DPP10: variants seen among roughly 807,000 people sequenced by gnomAD.
The protein encoded by DPP10 is dipeptidyl peptidase like 10, also known as inactive dipeptidyl peptidase 10.
DPP10 carries 33 observed loss-of-function variants against 120.9 expected under a neutral mutation model. That is an observed-to-expected ratio of 0.27 (90% confidence interval 0.21 to 0.37). DPP10 has a LOEUF of 0.37. Ranked by LOEUF, DPP10 falls within the 10% of genes least tolerant of loss-of-function variation. DPP10 has a pLI of 1.00. For synonymous variants in DPP10, 337 were observed against 326.1 expected (o/e 1.03, Z -0.36); for missense variants, 816 against 942.8 (o/e 0.87, Z 1.76).
chr2:115,285,075 C>A, intron 1 of DPP10, among the ~76,000 whole-genome samples: 1 of 151,992 alleles, frequency 6.6e-6, no homozygotes, highest in East Asian at 1.9e-4. Flanking sequence ...TTAGGCCCCA[C>A]AACACTCTGA....
intron 3 of DPP10, among the ~76,000 whole-genome samples, chr2:115,375,521 G>T (rs1451085226): frequency 6.6e-6 from 1 of 152,146 alleles, no homozygotes; most frequent in Non-Finnish European, 1.5e-5. Flanking sequence ...TCCAGCTTCT[G>T]CCTGTTTCCC....
intron 1 of DPP10, among the ~76,000 whole-genome samples, chr2:115,248,392 A>C (rs1213802224): frequency 6.6e-6 from 1 of 152,034 alleles, no homozygotes; most frequent in Admixed American, 6.6e-5. Context: ...TTTCTTTAGA[A>C]GATATTTCTT....
intron 1 of DPP10, among the ~76,000 whole-genome samples, chr2:115,072,762 T>G (rs1327543863): frequency 6.6e-6 from 1 of 152,136 alleles, no homozygotes; most frequent in Non-Finnish European, 1.5e-5. Context: ...TTGAATGAAA[T>G]GATGTATATT....
chr2:115,713,334 G>A (rs1016743014), intron 7 of DPP10, among the ~76,000 whole-genome samples: 1 of 152,038 alleles, frequency 6.6e-6, no homozygotes, highest in Non-Finnish European at 1.5e-5. Flanking sequence ...GTTATGGAGT[G>A]ACAGTTTGAG....
chr2:114,656,139 T>C (rs1344473832), intron 1 of DPP10, among the ~76,000 whole-genome samples: 1 of 152,194 alleles, frequency 6.6e-6, no homozygotes, highest in African/African-American at 2.4e-5. Context: ...TTAGCAATTA[T>C]TCTTGGTGTT....
At chr2:115,634,734 T>C (rs572320765) in intron 5 of DPP10, among the ~76,000 whole-genome samples, 1 of 152,302 alleles carries the variant, frequency 6.6e-6, no homozygotes, top group Non-Finnish European at 1.5e-5. Flanking sequence ...TGTTGGCTGC[T>C]CCTTGGTGGA....
chr2:114,847,191 C>G (rs1266533312), intron 1 of DPP10, among the ~76,000 whole-genome samples: 2 of 152,084 alleles, frequency 1.3e-5, no homozygotes, highest in East Asian at 3.9e-4. Context: ...TCAATTCTTG[C>G]TGAGCTTTGC....
In DPP10 at chr2:114,898,801, A is replaced by G. The variant is rs116754872; in HGVS notation, c.61-410438A>G. Among the ~76,000 whole-genome samples, 1,229 of 152,352 alleles carry G rather than the reference A, an allele frequency of 8.1e-3. 5 individuals carry two copies. Among genetic ancestry groups the G allele is most frequent in the Middle Eastern group, 0.02 (6 of 294 alleles). On this transcript the variant is annotated intron_variant, in intron 1 of 25. Coordinates refer to ENST00000410059, the MANE Select transcript of DPP10 (RefSeq NM_020868.6). ...CATTTTCTCCAGATACATGGTATCA[A>G]TATATTCAAGAAAAGAACAGGGTTT...
chr2:114,967,201 A>G (rs1313271561), intron 1 of DPP10, among the ~76,000 whole-genome samples: 1 of 152,198 alleles, frequency 6.6e-6, no homozygotes, highest in Admixed American at 6.5e-5. Flanking sequence ...TAATAAAAAA[A>G]ATCTTCCATT....
rs568267901 is a variant in DPP10 at position 114,743,362 on chromosome 2, T to C, written c.60+300524T>C. Among the ~76,000 whole-genome samples, 42 of 152,174 alleles carry C rather than the reference T, an allele frequency of 2.8e-4. No homozygotes were observed. In the South Asian group the frequency reaches 3.1e-3, roughly 11 times the overall value. ...TGAATGGAAAAGGACCACAGCAAAG[T>C]TGAATTTGCTTGAAGTTTCTTTTTT... On this transcript the variant is annotated intron_variant, in intron 1 of 25. Transcript: ENST00000410059.
intron 1 of DPP10, among the ~76,000 whole-genome samples, chr2:114,903,359 C>T (rs2106634748): frequency 1.3e-5 from 2 of 152,208 alleles, no homozygotes; most frequent in South Asian, 4.1e-4. Context: ...AAAAAATTAC[C>T]AAACTGTTTT....
At chr2:114,629,741 T>C (rs575245649) in intron 1 of DPP10, among the ~76,000 whole-genome samples, 1 of 152,298 alleles carries the variant, frequency 6.6e-6, no homozygotes, top group African/African-American at 2.4e-5. Flanking sequence ...TTAAAATGTG[T>C]ATACCGTTGA....
At chr2:115,310,320 G>A (rs1436392105) in intron 2 of DPP10, among the ~76,000 whole-genome samples, 1 of 152,048 alleles carries the variant, frequency 6.6e-6, no homozygotes, top group African/African-American at 2.4e-5. Flanking sequence ...ATTTCCTGAT[G>A]TACAAAATAT....
intron 1 of DPP10, among the ~76,000 whole-genome samples, chr2:114,555,234 A>G (rs974250817): frequency 6.6e-6 from 1 of 152,164 alleles, no homozygotes; most frequent in Non-Finnish European, 1.5e-5. Context: ...TCTCCTGGAC[A>G]TGTCAACTCT....
intron 1 of DPP10, among the ~76,000 whole-genome samples, chr2:115,199,610 C>A (rs2055545141): frequency 1.3e-5 from 2 of 151,974 alleles, no homozygotes; most frequent in Admixed American, 6.6e-5. Context: ...TACCTACTTA[C>A]CAAAAGAATT....
At chr2:115,691,166 T>C (rs1311623829) in intron 7 of DPP10, among the ~76,000 whole-genome samples, 1 of 152,164 alleles carries the variant, frequency 6.6e-6, no homozygotes, top group Non-Finnish European at 1.5e-5. Flanking sequence ...TATTAATACA[T>C]TGTTTGGTCT....
At chr2:115,785,131 C>G (rs1297368002) in intron 17 of DPP10, among the ~76,000 whole-genome samples, 3 of 152,128 alleles carry the variant, frequency 2.0e-5, no homozygotes, top group Non-Finnish European at 2.9e-5. Context: ...TGGATTCAAC[C>G]AAAGGAAATC....
intron 1 of DPP10, among the ~76,000 whole-genome samples, chr2:114,899,545 A>C (rs1693363623): frequency 6.6e-6 from 1 of 152,148 alleles, no homozygotes; most frequent in East Asian, 1.9e-4. Flanking sequence ...TTACCACCTA[A>C]CTATGCATCC....
chr2:115,202,599 G>T (rs2055816661), intron 1 of DPP10, among the ~76,000 whole-genome samples: 1 of 152,096 alleles, frequency 6.6e-6, no homozygotes, highest in South Asian at 2.1e-4. Flanking sequence ...ATACAAAATT[G>T]GATTCTGCAT....
Sources: gnomAD v4.1 joint callset for allele counts (sites outside exome capture counted in the v4.1 genomes callset) on GRCh38, gnomAD v4.1.1 for gene constraint, MANE v1.5 for transcripts, NCBI Gene and HGNC (gene_info 2026-07-23, HGNC 2026-07-21) for gene names.